Variants in PPP2R2B observed in about 807,000 individuals in gnomAD.
PPP2R2B encodes protein phosphatase 2 regulatory subunit Bbeta.
A neutral mutation model predicts 46.0 loss-of-function variants in PPP2R2B; 5 were observed. That is an observed-to-expected ratio of 0.11 (90% CI 0.06 to 0.23). The LOEUF (loss-of-function observed/expected upper bound fraction) is 0.23. PPP2R2B is among the 10% of genes least tolerant of loss of function. The probability of loss-of-function intolerance (pLI) is 1.00; values close to 1 mark genes in which losing one functional copy is unlikely to be tolerated. For missense variants in PPP2R2B, 367 were observed against 575.0 expected, an observed-to-expected ratio of 0.64 and a Z score of 3.70; for synonymous variants, 215 against 206.7, an observed-to-expected ratio of 1.04 and a Z score of -0.34.
chr5:146,947,871 T>C (rs1764532836), intron 1 of PPP2R2B, among the ~76,000 whole-genome samples: 1 of 151,142 alleles, frequency 6.6e-6, no homozygotes, highest in African/African-American at 2.4e-5. Context: ...TGCCCTTGCG[T>C]TCTCTTCTTT....
intron 1 of PPP2R2B, among the ~76,000 whole-genome samples, chr5:146,968,719 A>C (rs1752543064): frequency 6.6e-6 from 1 of 152,236 alleles, no homozygotes; most frequent in Non-Finnish European, 1.5e-5. Flanking sequence ...ACAATAAATC[A>C]AGCCTTGGTT....
intron 7 of PPP2R2B, among the ~76,000 whole-genome samples, chr5:146,615,962 G>A (rs926023098): frequency 1.3e-5 from 2 of 152,092 alleles, no homozygotes; most frequent in African/African-American, 4.8e-5. Flanking sequence ...AAAACTGGAG[G>A]AATCACATTA....
chr5:146,669,200 C>T (rs1777189506), intron 5 of PPP2R2B, among the ~76,000 whole-genome samples: 1 of 152,082 alleles, frequency 6.6e-6, no homozygotes, highest in Non-Finnish European at 1.5e-5. Flanking sequence ...CAATTATGTA[C>T]TGAATTGTAT....
intron 5 of PPP2R2B, among the ~76,000 whole-genome samples, chr5:146,656,908 T>C (rs1776371069): frequency 1.3e-5 from 2 of 152,118 alleles, no homozygotes; most frequent in South Asian, 4.1e-4. Flanking sequence ...TGAGTCTTCC[T>C]CCCTCAGGTT....
Position 147,020,380 on chromosome 5 carries a change from T to G in PPP2R2B, c.79+35285A>C, listed in dbSNP as rs543280835. 2.0e-5 allele frequency among the ~76,000 whole-genome samples: 3 copies of G among 152,296 alleles called. No homozygotes were observed. In the South Asian group the frequency reaches 6.2e-4, roughly 32 times the overall value. On this transcript the variant is annotated intron_variant, in intron 1 of 8. Transcript: ENST00000336640. ...ACTTTCACTGGGGTAGGAAACATGTTGACTTCATCCCTAGGTCTACAAAAC... is the reference window on the plus strand; with the variant it reads ...ACTTTCACTGGGGTAGGAAACATGTGGACTTCATCCCTAGGTCTACAAAAC...
chr5:146,681,953 G>A (rs979942403), intron 5 of PPP2R2B, among the ~76,000 whole-genome samples: 4 of 152,152 alleles, frequency 2.6e-5, no homozygotes, highest in Non-Finnish European at 4.4e-5. Context: ...ACTAGTGGAC[G>A]TCTCAGCTTG....
intron 2 of PPP2R2B, among the ~76,000 whole-genome samples, chr5:147,077,302 ACACACACACCCACACC>A (rs1291539367): frequency 6.8e-5 from 10 of 147,184 alleles, no homozygotes; most frequent in African/African-American, 2.6e-4. Context: ...ACACACACAC[ACACACACACCCACACC>A]CACACCCCTA....
chr5:146,589,693 A>C lies in PPP2R2B; in HGVS notation c.*254T>G, dbSNP rs981334847. ...TGGGCAATAAAAGCATCAGAAGTTC[A>C]AGTCAACTATGGAAGAATTACTGTT... On this transcript the variant is annotated 3_prime_UTR_variant, in exon 10 of 10. Transcript: ENST00000394411. 2 of 454,200 alleles carry C rather than the reference A, an allele frequency of 4.4e-6. No homozygotes were observed. Among genetic ancestry groups the C allele is most frequent in the Non-Finnish European group, 7.8e-6 (2 of 255,872 alleles). The allele number at this position is 454,200 out of a possible 1,614,324, so 28.1% of individuals were successfully genotyped here.
At chr5:146,698,501 G>C (rs1779337681) in intron 3 of PPP2R2B, among the ~76,000 whole-genome samples, 1 of 151,598 alleles carries the variant, frequency 6.6e-6, no homozygotes, top group African/African-American at 2.4e-5. Flanking sequence ...AGATGCTGCA[G>C]TCACCCTTTG....
At chr5:146,862,119 TC>T (rs1443304797) in intron 2 of PPP2R2B, among the ~76,000 whole-genome samples, 2 of 152,170 alleles carry the variant, frequency 1.3e-5, no homozygotes, top group African/African-American at 4.8e-5. Context: ...TCAGATCACA[TC>T]TTTTGACATC....
rs1561935089 is a variant in PPP2R2B, at chr5:146,822,534, G to GTTTTTTTTTT, written c.70+55467_70+55468insAAAAAAAAAA. ...CATTCCCTAAATTTTCTTCATTTTT[G>GTTTTTTTTTT]GTTTTTTTTTTTTTTTTGCTTTTTA... On this transcript the variant is annotated intron_variant, in intron 2 of 9. Coordinates refer to ENST00000394411, the MANE Select transcript of PPP2R2B (RefSeq NM_181675.4). Among the ~76,000 whole-genome samples, 4 of 133,918 alleles carry GTTTTTTTTTT rather than the reference G, an allele frequency of 3.0e-5. No homozygotes were observed. The East Asian group carries it at 7.4e-4, about 25-fold the overall frequency. 87.9% of individuals were successfully genotyped at this position (133,918 alleles called of 152,430 possible).
intron 7 of PPP2R2B, among the ~76,000 whole-genome samples, chr5:146,603,243 A>G (rs1323514400): frequency 6.6e-6 from 1 of 152,190 alleles, no homozygotes; most frequent in Non-Finnish European, 1.5e-5. Context: ...GACTCTTGAG[A>G]ATTTGGGACC....
At chr5:146,700,786 A>G (rs571468783) in intron 3 of PPP2R2B, among the ~76,000 whole-genome samples, 1 of 152,318 alleles carries the variant, frequency 6.6e-6, no homozygotes, top group African/African-American at 2.4e-5. Context: ...GGAATTTTGC[A>G]GGTCAGGCGA....
chr5:147,058,875 CCA>C (rs1453419882), upstream of PPP2R2B, among the ~76,000 whole-genome samples: 1 of 152,134 alleles, frequency 6.6e-6, no homozygotes, highest in African/African-American at 2.4e-5. Context: ...TCTCATATTT[CCA>C]CACTGGAATC....
At chr5:147,004,676 C>T (rs181170231) in intron 1 of PPP2R2B, among the ~76,000 whole-genome samples, 40 of 152,160 alleles carry the variant, frequency 2.6e-4, no homozygotes, top group African/African-American at 9.4e-4. Flanking sequence ...AACGAGTTAC[C>T]CATTTGTTGT....
intron 5 of PPP2R2B, among the ~76,000 whole-genome samples, chr5:146,680,348 G>C (rs888162897): frequency 3.4e-5 from 5 of 146,938 alleles, no homozygotes; most frequent in African/African-American, 1.3e-4. Flanking sequence ...TGGACAATGA[G>C]ATCACGTGGA....
intron 2 of PPP2R2B, chr5:146,707,048 T>C (rs1275078714): frequency 2.7e-6 from 3 of 1,110,716 alleles, no homozygotes; most frequent in Non-Finnish European, 4.1e-6. Context: ...TCATTCTCCG[T>C]CTCTGTACTC....
chr5:146,995,088 G>A (rs1180489168), intron 1 of PPP2R2B, among the ~76,000 whole-genome samples: 1 of 152,130 alleles, frequency 6.6e-6, no homozygotes, highest in South Asian at 2.1e-4. Context: ...CCACAATTCT[G>A]TTCCCTTTGT....
chr5:146,909,079 T>G (rs759925465), intron 1 of PPP2R2B, among the ~76,000 whole-genome samples: 3 of 152,178 alleles, frequency 2.0e-5, no homozygotes, highest in African/African-American at 7.2e-5. Context: ...AGATTTCCCC[T>G]GCAGCTAAGA....
Sources: allele counts gnomAD v4.1 joint callset (sites outside exome capture counted in the v4.1 genomes callset), GRCh38; gene constraint gnomAD v4.1.1; transcripts MANE v1.5; gene names NCBI Gene and HGNC (gene_info 2026-07-23, HGNC 2026-07-21).